GTF2F2: variants seen among roughly 807,000 people sequenced by gnomAD.
GTF2F2 encodes the protein general transcription factor IIF subunit 2.
A neutral mutation model predicts 42.2 loss-of-function variants in GTF2F2; 23 were observed. That is an observed-to-expected ratio of 0.55 (90% CI 0.39 to 0.77). GTF2F2 has a LOEUF of 0.77. GTF2F2 is among the 30% of genes least tolerant of loss of function. The probability of loss-of-function intolerance (pLI) is 0.00; values close to 1 mark genes in which losing one functional copy is unlikely to be tolerated. For missense variants in GTF2F2, 261 were observed against 287.2 expected (o/e 0.91, Z 0.66); for synonymous variants, 105 against 100.8 (o/e 1.04, Z -0.25).
At chr13:45,261,425 C>CAAAAAAA (rs976923932) in intron 6 of GTF2F2, among the ~76,000 whole-genome samples, 4 of 58,890 alleles carry the variant, frequency 6.8e-5, no homozygotes, top group African/African-American at 1.8e-4. Flanking sequence ...GACTCCATCT[C>CAAAAAAA]AAAAAAAAAA....
intron 4 of GTF2F2, among the ~76,000 whole-genome samples, chr13:45,204,626 T>C (rs1593490107): frequency 1.3e-5 from 2 of 152,194 alleles, no homozygotes; most frequent in Admixed American, 1.3e-4. Context: ...GGAAAGAATA[T>C]GAGAATGTGT....
chr13:45,199,210 C>T (rs1029071241), intron 4 of GTF2F2, among the ~76,000 whole-genome samples: 3 of 152,202 alleles, frequency 2.0e-5, no homozygotes, highest in African/African-American at 7.2e-5. Context: ...CAGTGTTGAA[C>T]TGCGTCTTCA....
chr13:45,237,167 T>A (rs1390348441), intron 5 of GTF2F2, among the ~76,000 whole-genome samples: 2 of 152,210 alleles, frequency 1.3e-5, no homozygotes, highest in Non-Finnish European at 2.9e-5. Flanking sequence ...AACTGCCATA[T>A]TTTTATGTTT....
chr13:45,214,771 A>AT (rs1873822912), intron 5 of GTF2F2, among the ~76,000 whole-genome samples: 1 of 151,998 alleles, frequency 6.6e-6, no homozygotes, highest in Non-Finnish European at 1.5e-5. Flanking sequence ...ATGGTGGCTT[A>AT]TGTGCCCACT....
At chr13:45,129,355 A>C (rs777834462) in intron 1 of GTF2F2, among the ~76,000 whole-genome samples, 4 of 152,040 alleles carry the variant, frequency 2.6e-5, no homozygotes, top group African/African-American at 9.7e-5. Context: ...GACTACAGGC[A>C]CACACCACCA....
At chr13:45,233,777 A>T (rs576389121) in intron 5 of GTF2F2, among the ~76,000 whole-genome samples, 1 of 152,030 alleles carries the variant, frequency 6.6e-6, no homozygotes, top group Admixed American at 6.6e-5. Context: ...GCTGGGTGTG[A>T]TGGTGTGCAC....
chr13:45,165,806 C>CTTTTTTTT (rs5803286), intron 4 of GTF2F2, among the ~76,000 whole-genome samples: 5 of 88,888 alleles, frequency 5.6e-5, no homozygotes, highest in Admixed American at 1.4e-4. Context: ...TCAGTACATT[C>CTTTTTTTT]TTTTTTTTTT....
At chr13:45,234,306 GTGAC>G (rs1476957927) in intron 5 of GTF2F2, among the ~76,000 whole-genome samples, 1 of 152,208 alleles carries the variant, frequency 6.6e-6, no homozygotes, top group Non-Finnish European at 1.5e-5. Flanking sequence ...TATAAAATAA[GTGAC>G]TGAAACATAA....
rs368618911 is a variant in GTF2F2, at chr13:45,260,239, A to C, written c.487-6994A>C. ...TGATCTTTTAAAGTTCTATGCATAAATTTGAATTTTCCTAAATAAAAAGGA... is the reference window on the plus strand; with the variant it reads ...TGATCTTTTAAAGTTCTATGCATAACTTTGAATTTTCCTAAATAAAAAGGA... On this transcript the variant is annotated intron_variant, in intron 6 of 7. Transcript: ENST00000340473. 4.4e-4 allele frequency among the ~76,000 whole-genome samples: 67 copies of C among 152,302 alleles called. No homozygotes were observed. In the South Asian group the frequency reaches 9.9e-3, roughly 23 times the overall value.
intron 4 of GTF2F2, among the ~76,000 whole-genome samples, chr13:45,181,184 ACAAAC>A (rs1872144660): frequency 3.1e-5 from 4 of 130,522 alleles, no homozygotes; most frequent in African/African-American, 7.9e-5. Context: ...AAAAAAACAA[ACAAAC>A]AAAAAAAAAA....
intron 6 of GTF2F2, among the ~76,000 whole-genome samples, chr13:45,253,842 G>A (rs977729447): frequency 3.3e-5 from 5 of 152,176 alleles, no homozygotes; most frequent in East Asian, 3.8e-4. Context: ...TTGGGAGGCC[G>A]AGGCAGGCGG....
intron 5 of GTF2F2, among the ~76,000 whole-genome samples, chr13:45,245,081 A>C (rs1875518932): frequency 6.6e-6 from 1 of 152,188 alleles, no homozygotes; most frequent in African/African-American, 2.4e-5. Context: ...CATGTAAAAC[A>C]TTAAGAATTC....
chr13:45,147,466 G>C (rs1195336490), intron 2 of GTF2F2, among the ~76,000 whole-genome samples: 1 of 152,172 alleles, frequency 6.6e-6, no homozygotes, highest in Non-Finnish European at 1.5e-5. Context: ...GCTAGAGAGG[G>C]GACTGTGGTG....
chr13:45,138,707 G>A (rs1270466908), intron 2 of GTF2F2, among the ~76,000 whole-genome samples: 7 of 152,146 alleles, frequency 4.6e-5, no homozygotes, highest in African/African-American at 1.2e-4. Context: ...GTGCTGTGGC[G>A]TGATCTCAGC....
At chr13:45,227,772 G>A (rs1229552064) in intron 5 of GTF2F2, among the ~76,000 whole-genome samples, 1 of 152,130 alleles carries the variant, frequency 6.6e-6, no homozygotes, top group African/African-American at 2.4e-5. Flanking sequence ...CACCATGCTG[G>A]TGCTCACTTT....
In GTF2F2 at chr13:45,157,478, T is replaced by TC. The variant is rs933202135; in HGVS notation, c.304+5648dup. Among the ~76,000 whole-genome samples, 70 of 152,082 alleles carry TC rather than the reference T, an allele frequency of 4.6e-4. 1 individual carries two copies. The highest frequency in any genetic ancestry group is 1.6e-3 in the African/African-American group (68 of 41,466). On this transcript the variant is annotated intron_variant, in intron 4 of 7. Coordinates refer to ENST00000340473, the MANE Select transcript of GTF2F2 (RefSeq NM_004128.3). Reference sequence around the variant, plus strand: ...GGTAGGTTGAGAAGAGACCATGGAGTCGGGGCAGGGCTGGAACCGGGAGGC... The same window carrying TC: ...GGTAGGTTGAGAAGAGACCATGGAGTCCGGGGCAGGGCTGGAACCGGGAGGC...
At chr13:45,194,533 T>G in intron 4 of GTF2F2, 1 of 1,612,930 alleles carries the variant, frequency 6.2e-7, no homozygotes, top group Non-Finnish European at 8.5e-7. Flanking sequence ...TTCATACTCC[T>G]TTTCTTTTTC....
chr13:45,184,175 A>G (rs1191572992), intron 4 of GTF2F2, among the ~76,000 whole-genome samples: 1 of 152,044 alleles, frequency 6.6e-6, no homozygotes, highest in Non-Finnish European at 1.5e-5. Context: ...CTTTCCCAGA[A>G]GAGTGATTTC....
chr13:45,148,270 C>G (rs1053039770), intron 2 of GTF2F2, among the ~76,000 whole-genome samples: 5 of 152,140 alleles, frequency 3.3e-5, no homozygotes, highest in Non-Finnish European at 5.9e-5. Flanking sequence ...AATGTTTGTA[C>G]TTGTTATTCT....
Sources: gnomAD v4.1 joint callset for allele counts (sites outside exome capture counted in the v4.1 genomes callset) on GRCh38, gnomAD v4.1.1 for gene constraint, MANE v1.5 for transcripts, NCBI Gene and HGNC (gene_info 2026-07-23, HGNC 2026-07-21) for gene names.